Variants in FAM13A observed in about 807,000 individuals in gnomAD.
FAM13A encodes the protein protein FAM13A.
In FAM13A, 76 loss-of-function variants were observed where a neutral mutation model predicts 129.6. The ratio of observed to expected loss-of-function variants is 0.59; its 90% confidence interval spans 0.49 to 0.71. The LOEUF (loss-of-function observed/expected upper bound fraction) is 0.71. Among genes scored for constraint, FAM13A ranks in the 30% least tolerant of loss-of-function variants. The pLI, the probability that FAM13A is intolerant of heterozygous loss-of-function variation, is 0.00. For synonymous variants in FAM13A, 443 were observed against 449.9 expected, an observed-to-expected ratio of 0.98 and a Z score of 0.20; for missense variants, 1,108 against 1,249.3, an observed-to-expected ratio of 0.89 and a Z score of 1.70.
chr4:88,957,547 T>C (rs1445792032), intron 4 of FAM13A, among the ~76,000 whole-genome samples: 1 of 152,060 alleles, frequency 6.6e-6, no homozygotes, highest in African/African-American at 2.4e-5. Context: ...CAGCCTAACA[T>C]AGAAAATTGG....
intron 6 of FAM13A, 79 bp downstream of exon 6, chr4:88,906,300 C>A (rs1370376734): frequency 8.7e-6 from 9 of 1,036,884 alleles, no homozygotes; most frequent in Non-Finnish European, 1.3e-5. Flanking sequence ...AACAAACAAA[C>A]AAACAAACAA....
rs1011474529 is a variant in FAM13A, at chr4:88,728,494, T to C, written c.*39A>G. ...CACTTTCTCTGGGGACAGTAAACTC[T>C]CACCGCAGCTGCCAGCCCCCTGTGC... On this transcript the variant is annotated 3_prime_UTR_variant, in exon 24 of 24. Coordinates refer to ENST00000264344, the MANE Select transcript of FAM13A (RefSeq NM_014883.4). The C allele has an allele frequency of 6.2e-7, 1 of 1,612,764 alleles. No homozygotes were observed. Among genetic ancestry groups the C allele is most frequent in the African/African-American group, 1.3e-5 (1 of 74,898 alleles).
intron 5 of FAM13A, among the ~76,000 whole-genome samples, chr4:88,915,142 T>C (rs1749904226): frequency 6.6e-6 from 1 of 152,184 alleles, no homozygotes; most frequent in Non-Finnish European, 1.5e-5. Flanking sequence ...CAGTGCTACT[T>C]TGCACATAAC....
chr4:88,899,113 C>CATAT (rs34576455), intron 6 of FAM13A, among the ~76,000 whole-genome samples: 1 of 150,352 alleles, frequency 6.7e-6, no homozygotes, highest in Non-Finnish European at 1.5e-5. Flanking sequence ...CACACACATA[C>CATAT]ATATATATAT....
At chr4:88,949,527 C>G (rs1429175385) in intron 4 of FAM13A, among the ~76,000 whole-genome samples, 1 of 152,082 alleles carries the variant, frequency 6.6e-6, no homozygotes, top group Non-Finnish European at 1.5e-5. Context: ...CAAAAGTTTC[C>G]AAATTTGTAC....
chr4:88,740,278 C>A (rs1302586006), intron 19 of FAM13A, among the ~76,000 whole-genome samples: 1 of 152,150 alleles, frequency 6.6e-6, no homozygotes, highest in Non-Finnish European at 1.5e-5. Context: ...CCGTGCATAC[C>A]CTGTAATTTC....
At chr4:88,943,294 T>G (rs2148834440) in intron 4 of FAM13A, among the ~76,000 whole-genome samples, 1 of 152,316 alleles carries the variant, frequency 6.6e-6, no homozygotes, top group African/African-American at 2.4e-5. Flanking sequence ...ATTAGGCTTA[T>G]CTGAGATGTT....
chr4:88,759,436 G>C (rs1744362104), intron 13 of FAM13A: 1 of 152,916 alleles, frequency 6.5e-6, no homozygotes, highest in Non-Finnish European at 1.5e-5. Flanking sequence ...CAGATTTCCT[G>C]TGGTTGTTTT....
At position 88,949,188 on chromosome 4, in the gene FAM13A, A is replaced by T. The variant is rs1036017389; in HGVS notation, c.606-10947T>A. Among the ~76,000 whole-genome samples, 26 of 152,322 alleles carry T rather than the reference A, an allele frequency of 1.7e-4. 1 individual carries two copies. The East Asian group carries it at 3.9e-3, about 23-fold the overall frequency. On this transcript the variant is annotated intron_variant, in intron 4 of 23. Coordinates refer to ENST00000264344, the MANE Select transcript of FAM13A (RefSeq NM_014883.4). ...CTATGTCTTAATCTAAGTCATTAAT[A>T]AAAAAAGCCTAATAAGTAAATAAAG...
intron 6 of FAM13A, among the ~76,000 whole-genome samples, chr4:88,863,087 T>C (rs1283678312): frequency 6.6e-6 from 1 of 151,874 alleles, no homozygotes; most frequent in Non-Finnish European, 1.5e-5. Context: ...ATGAGTGCCT[T>C]TTTGCATATT....
At chr4:89,048,520 G>A (rs1215266751) in intron 1 of FAM13A, among the ~76,000 whole-genome samples, 3 of 151,916 alleles carry the variant, frequency 2.0e-5, no homozygotes, top group Non-Finnish European at 4.4e-5. Context: ...TTGCACAATT[G>A]GTCAATTTAC....
chr4:89,022,524 C>A (rs1767407578), intron 2 of FAM13A, among the ~76,000 whole-genome samples: 1 of 152,134 alleles, frequency 6.6e-6, no homozygotes, highest in Admixed American at 6.5e-5. Flanking sequence ...AGGACCAGGG[C>A]ACCACCTAAA....
At chr4:88,779,874 T>C (rs1384828063) in intron 11 of FAM13A, among the ~76,000 whole-genome samples, 1 of 152,224 alleles carries the variant, frequency 6.6e-6, no homozygotes, top group East Asian at 1.9e-4. Flanking sequence ...CTGAGAAGCC[T>C]GCTTCATAGC....
intron 11 of FAM13A, among the ~76,000 whole-genome samples, chr4:88,775,031 C>T (rs933284878): frequency 2.0e-5 from 3 of 152,074 alleles, no homozygotes; most frequent in African/African-American, 7.2e-5. Flanking sequence ...AACCATGGAA[C>T]TGGAAAAGCT....
At position 88,892,420 on chromosome 4, in the gene FAM13A, C is replaced by T. The variant is rs542412449; in HGVS notation, c.843+13959G>A. Among the ~76,000 whole-genome samples, 4 of 152,180 alleles carry T rather than the reference C, an allele frequency of 2.6e-5. No individual in the cohort carries two copies. In the South Asian group the frequency reaches 8.3e-4, roughly 32 times the overall value. On this transcript the variant is annotated intron_variant, in intron 6 of 23. Coordinates refer to ENST00000264344, the MANE Select transcript of FAM13A (RefSeq NM_014883.4). ...GGTCTCGATCTCCTGACCTCGTGAC[C>T]TGCCCGCCTCGGCCTCCCAAAGTGC...
intron 1 of FAM13A, among the ~76,000 whole-genome samples, chr4:89,056,272 T>C (rs1197592006): frequency 1.3e-5 from 2 of 152,308 alleles, no homozygotes; most frequent in South Asian, 4.1e-4. Flanking sequence ...AAAGGTTTTG[T>C]ACAAGCACCA....
chr4:88,793,751 C>T (rs1725635328), intron 8 of FAM13A, among the ~76,000 whole-genome samples: 1 of 151,902 alleles, frequency 6.6e-6, no homozygotes, highest in Admixed American at 6.6e-5. Context: ...GGCTTACTGC[C>T]TAAAGTTTAC....
In FAM13A at chr4:89,013,267, A is replaced by AAT. The variant is rs537847037; in HGVS notation, c.427+7191_427+7192dup. On this transcript the variant is annotated intron_variant, in intron 3 of 23. Coordinates refer to ENST00000264344, the MANE Select transcript of FAM13A (RefSeq NM_014883.4). ...GAAGTTTATTTTATAGAGACAATAA[A>AAT]ATATATATATATATAACACAGTATA... is the stretch of plus-strand genomic sequence containing the variant. Among the ~76,000 whole-genome samples the AAT allele has an allele frequency of 3.8e-3, 493 of 130,086 alleles. 1 individual carries two copies. Among genetic ancestry groups the AAT allele is most frequent in the Non-Finnish European group, 6.6e-3 (361 of 55,024 alleles). The allele number at this position is 130,086 out of a possible 152,430, so 85.3% of individuals were successfully genotyped here.
chr4:88,991,227 T>G (rs780486059), intron 3 of FAM13A, 77 bp from the exon 4 acceptor site: 166 of 1,064,726 alleles, frequency 1.6e-4, no homozygotes, highest in Non-Finnish European at 2.1e-4. Flanking sequence ...GTGTAATACA[T>G]TCTAACATTT....
Sources: gnomAD v4.1 joint callset for allele counts (sites outside exome capture counted in the v4.1 genomes callset) on GRCh38, gnomAD v4.1.1 for gene constraint, MANE v1.5 for transcripts, NCBI Gene and HGNC (gene_info 2026-07-23, HGNC 2026-07-21) for gene names.